The following TSPAN11 variants were observed in gnomAD, a reference collection of about 807,000 sequenced individuals.
TSPAN11 encodes the protein tetraspanin 11.
A neutral mutation model predicts 32.9 loss-of-function variants in TSPAN11; 29 were observed. The observed-to-expected ratio is 0.88, with a 90% CI of 0.66 to 1.20. The LOEUF is 1.20. TSPAN11 is among the 50% of genes most tolerant of loss of function. The pLI is 0.00. For missense variants in TSPAN11, 283 were observed against 329.1 expected, an observed-to-expected ratio of 0.86 and a Z score of 1.08; for synonymous variants, 140 against 141.3, an observed-to-expected ratio of 0.99 and a Z score of 0.07.
chr12:30,980,130 C>T (rs11051196), intron 5 of TSPAN11, among the ~76,000 whole-genome samples: 42,405 of 152,168 alleles, frequency 0.28, 6,305 homozygotes, highest in East Asian at 0.5. Context: ...AGTTAAGCTG[C>T]CGCAAGAACC....
At chr12:30,963,326 G>A (rs1468668690) in intron 2 of TSPAN11, among the ~76,000 whole-genome samples, 1 of 152,200 alleles carries the variant, frequency 6.6e-6, no homozygotes. Context: ...TCGTAGAGTA[G>A]GGATAAAAAG....
At chr12:31,005,743 G>C in the TSPAN11 span, 1 of 160,182 alleles carries the variant, frequency 6.2e-6, no homozygotes, top group Non-Finnish European at 1.4e-5. Context: ...CGGGGAGTGG[G>C]GAGGGGCTTG....
chr12:30,931,543 G>A (rs935262196), intron 1 of TSPAN11, among the ~76,000 whole-genome samples: 42 of 152,106 alleles, frequency 2.8e-4, no homozygotes, highest in African/African-American at 9.2e-4. Flanking sequence ...AAGCACTAGG[G>A]TTTTGATAGT....
intron 1 of TSPAN11, among the ~76,000 whole-genome samples, chr12:30,930,790 C>T (rs1298782042): frequency 3.9e-5 from 6 of 152,314 alleles, no homozygotes; most frequent in African/African-American, 1.2e-4. Context: ...TCTGTGGCGT[C>T]GGGCTGGGTA....
chr12:30,984,556 T>C (rs1174554248), intron 7 of TSPAN11, among the ~76,000 whole-genome samples: 1 of 126,188 alleles, frequency 7.9e-6, no homozygotes, highest in Non-Finnish European at 1.6e-5. Context: ...TTTTTGCTTT[T>C]TTTTTTTTTT....
intron 7 of TSPAN11, among the ~76,000 whole-genome samples, chr12:30,987,727 T>C (rs1206370193): frequency 6.6e-6 from 1 of 152,176 alleles, no homozygotes; most frequent in African/African-American, 2.4e-5. Context: ...TGCGGCCAGA[T>C]GCAGAGGGAG....
chr12:31,013,152 G>A, the TSPAN11 span, among the ~76,000 whole-genome samples: 4 of 152,192 alleles, frequency 2.6e-5, no homozygotes, highest in East Asian at 7.7e-4. Flanking sequence ...ACTACAGCCA[G>A]GGAAATAGCC....
intron 3 of TSPAN11, among the ~76,000 whole-genome samples, chr12:30,971,057 C>T (rs1234331355): frequency 6.6e-6 from 1 of 152,154 alleles, no homozygotes; most frequent in Non-Finnish European, 1.5e-5. Context: ...GCTGGGCTCT[C>T]CTCCCTGCAA....
chr12:30,930,262 C>G (rs1416616010), intron 1 of TSPAN11, among the ~76,000 whole-genome samples: 1 of 152,162 alleles, frequency 6.6e-6, no homozygotes, highest in Non-Finnish European at 1.5e-5. Flanking sequence ...AACCTCCAGG[C>G]TATGAGACAT....
chr12:31,000,052 A>G (rs1422273192), downstream of TSPAN11, among the ~76,000 whole-genome samples: 1 of 152,226 alleles, frequency 6.6e-6, no homozygotes, highest in African/African-American at 2.4e-5. Context: ...AGGCTGTCTC[A>G]TGGCTGTCAT....
At chr12:30,931,508 TCTCCCAGAGCTGCC>T (rs1170882528) in intron 1 of TSPAN11, among the ~76,000 whole-genome samples, 1 of 152,154 alleles carries the variant, frequency 6.6e-6, no homozygotes, top group Non-Finnish European at 1.5e-5. Flanking sequence ...TAGAGATTTC[TCTCCCAGAGCTGCC>T]TTTTATAGAT....
At chr12:30,990,629 G>C (rs958150665) in intron 7 of TSPAN11, among the ~76,000 whole-genome samples, 2 of 152,120 alleles carry the variant, frequency 1.3e-5, no homozygotes, top group Non-Finnish European at 2.9e-5. Flanking sequence ...GAGGAGGAAG[G>C]AGGGGAAGAG....
chr12:31,011,796 A>T, the TSPAN11 span, among the ~76,000 whole-genome samples: 1 of 152,250 alleles, frequency 6.6e-6, no homozygotes, highest in Admixed American at 6.5e-5. Flanking sequence ...TGGCACAGGG[A>T]CAATCTCAGG....
the TSPAN11 span, among the ~76,000 whole-genome samples, chr12:31,011,949 G>A: frequency 6.6e-6 from 1 of 152,218 alleles, no homozygotes; most frequent in African/African-American, 2.4e-5. Flanking sequence ...AGCTGCTGGG[G>A]AGATTCAAGC....
chr12:31,009,498 C>T, the TSPAN11 span, among the ~76,000 whole-genome samples: 8 of 152,142 alleles, frequency 5.3e-5, no homozygotes, highest in African/African-American at 1.7e-4. Flanking sequence ...GAGGGAATCT[C>T]GTTCATAAAC....
intron 1 of TSPAN11, among the ~76,000 whole-genome samples, chr12:30,933,414 C>T (rs1224786123): frequency 6.6e-6 from 1 of 152,240 alleles, no homozygotes; most frequent in Non-Finnish European, 1.5e-5. Context: ...TTAATCTTCC[C>T]TCCATGTATG....
the TSPAN11 span, among the ~76,000 whole-genome samples, chr12:31,004,763 A>G: frequency 1.3e-5 from 2 of 152,216 alleles, no homozygotes; most frequent in African/African-American, 4.8e-5. Flanking sequence ...AGTGGAGGGC[A>G]GGAGGAAGGA....
rs562432169 is a variant in TSPAN11, at chr12:30,949,480, G to T, written c.-11-4501G>T. On this transcript the variant is annotated intron_variant, in intron 1 of 7. Coordinates refer to ENST00000546076, the MANE Select transcript of TSPAN11 (RefSeq NM_001370302.1). ...GGCAGCAAGAGAAAATGAGAAAGAT[G>T]CAAAAGCCGAAACTCATGATAAACC... is the stretch of plus-strand genomic sequence containing the variant. Among the ~76,000 whole-genome samples the T allele has an allele frequency of 1.4e-4, 21 of 152,232 alleles. No individual in the cohort carries two copies. In the South Asian group the frequency reaches 4.1e-3, roughly 30 times the overall value.
At chr12:31,010,967 G>A in the TSPAN11 span, among the ~76,000 whole-genome samples, 2 of 152,104 alleles carry the variant, frequency 1.3e-5, no homozygotes, top group Non-Finnish European at 2.9e-5. Flanking sequence ...ATTGTGAGCT[G>A]GCAAGAGGAG....
Sources: gnomAD v4.1 joint callset for allele counts (sites outside exome capture counted in the v4.1 genomes callset) on GRCh38, gnomAD v4.1.1 for gene constraint, MANE v1.5 for transcripts, NCBI Gene and HGNC (gene_info 2026-07-23, HGNC 2026-07-21) for gene names.